COL11A1: variants seen among roughly 807,000 people sequenced by gnomAD.
COL11A1 encodes the protein collagen type XI alpha 1 chain, also known as collagen alpha-1(XI) chain.
A neutral mutation model predicts 265.2 loss-of-function variants in COL11A1; 74 were observed. The ratio of observed to expected loss-of-function variants is 0.28; its 90% CI spans 0.23 to 0.34. COL11A1 has a LOEUF of 0.34. Ranked by LOEUF, COL11A1 falls within the 10% of genes least tolerant of loss-of-function variation. The pLI is 1.00. For missense variants in COL11A1, 2,165 were observed against 2,263.6 expected, an observed-to-expected ratio of 0.96 and a Z score of 0.88; for synonymous variants, 816 against 727.6, an observed-to-expected ratio of 1.12 and a Z score of -1.96.
At chr1:102,907,772 A>G (rs796819237) in intron 54 of COL11A1, among the ~76,000 whole-genome samples, 6 of 152,170 alleles carry the variant, frequency 3.9e-5, no homozygotes, top group African/African-American at 1.4e-4. Flanking sequence ...TCTGTAGTGC[A>G]TTTATTTTAT....
chr1:102,994,975 C>CCTTCT, intron 28 of COL11A1, among the ~76,000 whole-genome samples: 2 of 152,126 alleles, frequency 1.3e-5, no homozygotes, highest in South Asian at 4.2e-4. Context: ...GTACCAGGCA[C>CCTTCT]TTATCAAACA....
chr1:102,942,842 A>C (rs777781971), intron 42 of COL11A1, among the ~76,000 whole-genome samples: 10 of 152,092 alleles, frequency 6.6e-5, no homozygotes, highest in Non-Finnish European at 1.5e-4. Context: ...CTCACAACTT[A>C]TCACAATTCT....
chr1:103,101,833 C>A (rs1034881150), intron 1 of COL11A1, among the ~76,000 whole-genome samples: 1 of 151,796 alleles, frequency 6.6e-6, no homozygotes, highest in Non-Finnish European at 1.5e-5. Flanking sequence ...ATTGTCAAGT[C>A]GTATTTAAGC....
At chr1:103,096,943 T>A (rs1673821606) in intron 1 of COL11A1, among the ~76,000 whole-genome samples, 1 of 152,026 alleles carries the variant, frequency 6.6e-6, no homozygotes, top group Admixed American at 6.6e-5. Flanking sequence ...TACTCCCTTA[T>A]GAAGTGGAAG....
At chr1:102,895,460 A>G (rs1429587344) in intron 57 of COL11A1, among the ~76,000 whole-genome samples, 1 of 152,132 alleles carries the variant, frequency 6.6e-6, no homozygotes, top group Admixed American at 6.6e-5. Context: ...AGTTACAGGC[A>G]GCTTCTAGAA....
intron 4 of COL11A1, among the ~76,000 whole-genome samples, chr1:103,038,399 A>C (rs1668541816): frequency 1.3e-5 from 2 of 152,114 alleles, no homozygotes; most frequent in South Asian, 4.1e-4. Context: ...CGGGAGGTGG[A>C]GGTTACAGTG....
Position 103,078,377 on chromosome 1 carries a change from A to T in COL11A1, c.488+281T>A, listed in dbSNP as rs34157185. Among the ~76,000 whole-genome samples, 5,678 of 152,112 alleles carry T rather than the reference A, an allele frequency of 0.037. 125 individuals carry two copies. The highest frequency in any genetic ancestry group is 0.092 in the Middle Eastern group (27 of 294). On this transcript the variant is annotated intron_variant, in intron 3 of 66. Coordinates refer to ENST00000370096, the MANE Select transcript of COL11A1 (RefSeq NM_001854.4). Reference sequence around the variant, plus strand: ...GGGATTTGGCTTGATGTCACTTCTTAAAACTACCCACCCCACTGCCACACC... The same window carrying T: ...GGGATTTGGCTTGATGTCACTTCTTTAAACTACCCACCCCACTGCCACACC...
intron 41 of COL11A1, among the ~76,000 whole-genome samples, chr1:102,958,665 G>A (rs899632409): frequency 8.6e-5 from 13 of 151,976 alleles, no homozygotes; most frequent in Non-Finnish European, 1.6e-4. Flanking sequence ...ACAACTTTAA[G>A]GAATAATTTT....
At chr1:103,003,707 G>A (rs1325996182) in intron 20 of COL11A1, among the ~76,000 whole-genome samples, 2 of 152,086 alleles carry the variant, frequency 1.3e-5, no homozygotes, top group African/African-American at 4.8e-5. Flanking sequence ...ACTGAGGAAA[G>A]AAAACGATCA....
chr1:103,031,249 G>GGA lies in COL11A1; in HGVS notation c.652-6_652-5insTC, dbSNP rs749687230. The GGA allele has an allele frequency of 8.1e-6, 11 of 1,363,634 alleles. 1 individual carries two copies. In the African/African-American group the frequency reaches 1.0e-4, roughly 12 times the overall value. The allele number at this position is 1,363,634 out of a possible 1,614,324, so 84.5% of individuals were successfully genotyped here. A position where few individuals can be genotyped will look rare whatever the true frequency, so the allele number is the denominator to read the frequency against. ...CAAAAACTGCTGAATGTCCCCCTGG[G>GGA]AAAAAAAAAAAAACAAAAACAAACA... is the stretch of plus-strand genomic sequence containing the variant. On this transcript the variant is annotated splice_polypyrimidine_tract_variant and splice_region_variant and intron_variant, in intron 4 of 66. Coordinates refer to ENST00000370096, the MANE Select transcript of COL11A1 (RefSeq NM_001854.4).
chr1:103,021,007 T>G (rs972197051), intron 9 of COL11A1, among the ~76,000 whole-genome samples: 2 of 147,490 alleles, frequency 1.4e-5, no homozygotes, highest in African/African-American at 2.5e-5. Flanking sequence ...TTTATCATTT[T>G]TCTTTCTCTG....
chr1:102,877,335 G>A lies in COL11A1; in HGVS notation c.*684C>T, dbSNP rs1415549416. 5 of 152,526 alleles carry A rather than the reference G, an allele frequency of 3.3e-5. No individual in the cohort carries two copies. Among genetic ancestry groups the A allele is most frequent in the South Asian group, 2.1e-4 (1 of 4,820 alleles). The allele number at this position is 152,526 out of a possible 1,614,324, so 9.4% of individuals were successfully genotyped here. On this transcript the variant is annotated 3_prime_UTR_variant, in exon 67 of 67. Coordinates refer to ENST00000370096, the MANE Select transcript of COL11A1 (RefSeq NM_001854.4). The stretch of plus-strand genomic sequence containing the variant: ...GCTGAAATTCAGCAAAATGACTGTC[G>A]GCAGAGAAGAGTTGATCAGAGTGTG...
chr1:102,948,212 A>T (rs1434982970), intron 41 of COL11A1, among the ~76,000 whole-genome samples: 1 of 152,096 alleles, frequency 6.6e-6, no homozygotes, highest in Non-Finnish European at 1.5e-5. Flanking sequence ...AATGCTTTAC[A>T]ATTCACAAAT....
intron 30 of COL11A1, among the ~76,000 whole-genome samples, chr1:102,985,139 A>G (rs550817190): frequency 6.6e-6 from 1 of 152,214 alleles, no homozygotes; most frequent in South Asian, 2.1e-4. Context: ...TTTATAAAAT[A>G]TTATTTACTA....
intron 38 of COL11A1, among the ~76,000 whole-genome samples, chr1:102,963,204 T>A (rs566459950): frequency 2.6e-5 from 4 of 152,110 alleles, no homozygotes; most frequent in Admixed American, 2.6e-4. Context: ...CTTAGGGCCA[T>A]GAGAACCCAA....
chr1:103,101,622 C>T (rs563180411), intron 1 of COL11A1, among the ~76,000 whole-genome samples: 12 of 151,836 alleles, frequency 7.9e-5, no homozygotes, highest in Non-Finnish European at 2.9e-5. Flanking sequence ...AGGAAGGAAG[C>T]TTCCCCTGAT....
intron 42 of COL11A1, among the ~76,000 whole-genome samples, chr1:102,944,606 T>G (rs1003627420): frequency 1.5e-4 from 23 of 152,146 alleles, no homozygotes; most frequent in Non-Finnish European, 1.5e-5. Context: ...ATGTCAATAA[T>G]TTTTCATCTG....
chr1:103,006,017 C>T (rs1557934834), intron 17 of COL11A1, 51 bp downstream of exon 17: 1 of 1,611,316 alleles, frequency 6.2e-7, no homozygotes, highest in African/African-American at 1.3e-5. Context: ...ATAAAATTTT[C>T]CAGAGTGAAC....
chr1:102,967,648 A>G (rs1435224936), intron 37 of COL11A1, among the ~76,000 whole-genome samples: 2 of 152,158 alleles, frequency 1.3e-5, no homozygotes, highest in African/African-American at 4.8e-5. Flanking sequence ...AATTCTAGCC[A>G]TGCTGATCTT....
Sources: allele counts gnomAD v4.1 joint callset (sites outside exome capture counted in the v4.1 genomes callset), GRCh38; gene constraint gnomAD v4.1.1; transcripts MANE v1.5; gene names NCBI Gene and HGNC (gene_info 2026-07-23, HGNC 2026-07-21).